The following FAM107B variants were observed in gnomAD, a reference collection of about 807,000 sequenced individuals.
FAM107B encodes protein FAM107B.
In FAM107B, 21 loss-of-function variants were observed where a neutral mutation model predicts 31.5. The observed-to-expected ratio is 0.67, with a 90% CI of 0.47 to 0.96. FAM107B has a LOEUF of 0.96. Ranked by LOEUF, FAM107B falls within the 40% of genes least tolerant of loss-of-function variation. The probability of loss-of-function intolerance (pLI) is 0.00; values close to 1 mark genes in which losing one functional copy is unlikely to be tolerated. For synonymous variants in FAM107B, 157 were observed against 141.5 expected (o/e 1.11, Z -0.78); for missense variants, 452 against 377.1 (o/e 1.20, Z -1.64).
chr10:14,593,347 C>T (rs1852080039), intron 2 of FAM107B, among the ~76,000 whole-genome samples: 1 of 152,126 alleles, frequency 6.6e-6, no homozygotes, highest in South Asian at 2.1e-4. Flanking sequence ...CCAGTAAAAA[C>T]TGTTCTACCA....
chr10:14,597,071 C>A (rs560840395), intron 2 of FAM107B, among the ~76,000 whole-genome samples: 91 of 152,212 alleles, frequency 6.0e-4, no homozygotes, highest in African/African-American at 2.2e-3. Flanking sequence ...CCTGCACATC[C>A]ACTAAAAAAA....
intron 1 of FAM107B, among the ~76,000 whole-genome samples, chr10:14,773,059 C>T (rs184159934): frequency 6.0e-4 from 92 of 152,240 alleles, no homozygotes; most frequent in Non-Finnish European, 7.8e-4. Flanking sequence ...TGTGGCTATA[C>T]ACTGAAAATT....
intron 1 of FAM107B, among the ~76,000 whole-genome samples, chr10:14,706,410 T>A (rs1033446934): frequency 1.3e-5 from 2 of 152,158 alleles, no homozygotes; most frequent in African/African-American, 4.8e-5. Context: ...AATTTTTTTG[T>A]AGAGATAAGG....
chr10:14,601,274 T>C (rs1852388041), intron 2 of FAM107B, among the ~76,000 whole-genome samples: 1 of 152,134 alleles, frequency 6.6e-6, no homozygotes, highest in Non-Finnish European at 1.5e-5. Flanking sequence ...CTTTCTTTCT[T>C]TCACTGATGG....
intron 2 of FAM107B, among the ~76,000 whole-genome samples, chr10:14,533,619 T>C (rs915445530): frequency 2.6e-5 from 4 of 152,132 alleles, no homozygotes; most frequent in African/African-American, 7.2e-5. Context: ...TCATCCTCTG[T>C]CCCGCACTCC....
In FAM107B at chr10:14,591,622, T is replaced by C. The variant is rs552123479; in HGVS notation, c.470-61107A>G. 7.2e-5 allele frequency among the ~76,000 whole-genome samples: 11 copies of C among 152,220 alleles called. No individual in the cohort carries two copies. The South Asian group carries it at 1.2e-3, about 17-fold the overall frequency. On this transcript the variant is annotated intron_variant, in intron 2 of 4. Transcript: ENST00000181796. ...CAGTCATCGATGAATGCTAACGGCA[T>C]TGGGAGAAAGATCGATGAGGAAATG...
At chr10:14,574,851 T>G (rs1335971265) in intron 2 of FAM107B, among the ~76,000 whole-genome samples, 1 of 152,184 alleles carries the variant, frequency 6.6e-6, no homozygotes, top group Admixed American at 6.5e-5. Context: ...TCGTAATTCG[T>G]GTATAATTGG....
intron 1 of FAM107B, among the ~76,000 whole-genome samples, chr10:14,748,477 T>A (rs1430483973): frequency 6.6e-6 from 1 of 152,256 alleles, no homozygotes; most frequent in Non-Finnish European, 1.5e-5. Context: ...CTTTCCTGTA[T>A]CTGTGGCATT....
Position 14,580,738 on chromosome 10 carries a change from A to G in FAM107B, c.470-50223T>C, listed in dbSNP as rs1177626374. On this transcript the variant is annotated intron_variant, in intron 2 of 4. Transcript: ENST00000181796. ...AGGCCAAAGACATAGGATTATGCCT[A>G]GCCTTTAATTCACTGCTCTTTAAAT... 2.0e-5 allele frequency among the ~76,000 whole-genome samples: 3 copies of G among 152,170 alleles called. 1 individual carries two copies. In the East Asian group the frequency reaches 5.8e-4, roughly 29 times the overall value.
chr10:14,625,911 A>G (rs1853150187), intron 2 of FAM107B, among the ~76,000 whole-genome samples: 1 of 146,144 alleles, frequency 6.8e-6, no homozygotes, highest in Middle Eastern at 3.3e-3. Flanking sequence ...TGAATAATCA[A>G]GGCTTAAAAG....
intron 2 of FAM107B, 32 bp downstream of exon 2, chr10:14,667,602 C>T (rs1588694337): frequency 6.2e-7 from 1 of 1,611,254 alleles, no homozygotes; most frequent in Non-Finnish European, 8.5e-7. Context: ...CAACAGCAGC[C>T]TGGAAAAGGA....
chr10:14,530,667 T>C (rs962165600), intron 2 of FAM107B, 152 bp from the exon 3 acceptor site: 3 of 690,130 alleles, frequency 4.3e-6, no homozygotes, highest in South Asian at 2.3e-5. Context: ...TCTAAAGCGC[T>C]TGGAATGTAA....
At chr10:14,759,694 T>A (rs909923972) in intron 1 of FAM107B, among the ~76,000 whole-genome samples, 3 of 152,164 alleles carry the variant, frequency 2.0e-5, no homozygotes, top group East Asian at 3.8e-4. Context: ...AGGAGGTGTT[T>A]ATGGTATAGA....
In FAM107B at chr10:14,629,416, A is replaced by T. The variant is rs1344500802; in HGVS notation, c.469+38218T>A. 1.0e-3 allele frequency among the ~76,000 whole-genome samples: 22 copies of T among 21,932 alleles called. 2 individuals carry two copies. The highest frequency in any genetic ancestry group is 8.2e-3 in the Admixed American group (9 of 1,094). The allele number at this position is 21,932 out of a possible 152,430, so 14.4% of individuals were successfully genotyped here. A position where few individuals can be genotyped will look rare whatever the true frequency, so the allele number is the denominator to read the frequency against. ...AATATATATTATATATTTAATATAT[A>T]TAATATATATAATATATATTATATA... On this transcript the variant is annotated intron_variant, in intron 2 of 4. Coordinates refer to ENST00000181796, the MANE Select transcript of FAM107B (RefSeq NM_031453.4).
chr10:14,576,553 A>AACAACAACAACAACAACAAC (rs1564582586), intron 2 of FAM107B, among the ~76,000 whole-genome samples: 1 of 105,830 alleles, frequency 9.4e-6, no homozygotes, highest in African/African-American at 3.2e-5. Flanking sequence ...ACAACAACAA[A>AACAACAACAACAACAACAAC]AAGCCACTGA....
Position 14,679,531 on chromosome 10 carries a change from G to A in FAM107B, c.412-11840C>T, listed in dbSNP as rs564509366. On this transcript the variant is annotated intron_variant, in intron 1 of 4. Coordinates refer to ENST00000181796, the MANE Select transcript of FAM107B (RefSeq NM_031453.4). Reference sequence around the variant, plus strand: ...ACTTCCCTAATCACTGTGATTGTGAGATAGCGGGACTATCATCTGCCTGAC... The same window carrying A: ...ACTTCCCTAATCACTGTGATTGTGAAATAGCGGGACTATCATCTGCCTGAC... 7.2e-5 allele frequency among the ~76,000 whole-genome samples: 11 copies of A among 152,348 alleles called. No homozygotes were observed. The East Asian group carries it at 1.7e-3, about 24-fold the overall frequency.
intron 3 of FAM107B, 177 bp from the exon 4 acceptor site, chr10:14,522,196 G>A (rs370650387): frequency 1.1e-5 from 8 of 753,566 alleles, no homozygotes; most frequent in African/African-American, 8.8e-5. Context: ...ACGAAAGAAA[G>A]GCAAGAGGAG....
chr10:14,703,418 C>A (rs1275143442), intron 1 of FAM107B, among the ~76,000 whole-genome samples: 1 of 151,384 alleles, frequency 6.6e-6, no homozygotes, highest in Non-Finnish European at 1.5e-5. Context: ...CTCACTGCAA[C>A]CTCCGCCTCT....
chr10:14,628,977 G>T (rs1245843332), intron 2 of FAM107B, among the ~76,000 whole-genome samples: 1 of 151,274 alleles, frequency 6.6e-6, no homozygotes, highest in Admixed American at 6.6e-5. Flanking sequence ...AAGCTTAGGA[G>T]AATTAAAATT....
Sources: allele counts gnomAD v4.1 joint callset (sites outside exome capture counted in the v4.1 genomes callset), GRCh38; gene constraint gnomAD v4.1.1; transcripts MANE v1.5; gene names NCBI Gene and HGNC (gene_info 2026-07-23, HGNC 2026-07-21).